Variants in RILPL1 observed in about 807,000 individuals in gnomAD.
RILPL1 encodes the protein RILP-like protein 1.
In RILPL1, 33 loss-of-function variants were observed where a neutral mutation model predicts 50.3. The observed-to-expected ratio is 0.66, with a 90% CI of 0.50 to 0.88. The LOEUF (loss-of-function observed/expected upper bound fraction) is 0.88, where lower values mean the gene tolerates loss of function less well. Among genes scored for constraint, RILPL1 ranks in the 40% least tolerant of loss-of-function variants. RILPL1 has a pLI of 0.00. For synonymous variants in RILPL1, 205 were observed against 228.6 expected (o/e 0.90, Z 0.93); for missense variants, 418 against 542.5 (o/e 0.77, Z 2.28).
rs577178027 is a variant in RILPL1, at chr12:123,493,030, G to T, written c.801+5514C>A. Among the ~76,000 whole-genome samples, 8 of 152,310 alleles carry T rather than the reference G, an allele frequency of 5.3e-5. No homozygotes were observed. In the South Asian group the frequency reaches 1.7e-3, roughly 32 times the overall value. Reference sequence around the variant, plus strand: ...TCCCCCAGCCCGACACCTGTAAAGGGTCTGTGCTGAGGAGGATTAGTAAAA... The same window carrying T: ...TCCCCCAGCCCGACACCTGTAAAGGTTCTGTGCTGAGGAGGATTAGTAAAA... On this transcript the variant is annotated intron_variant, in intron 4 of 6. Transcript: ENST00000376874.
In RILPL1 at chr12:123,515,113, G is replaced by A. The variant is rs138369189; in HGVS notation, c.460+8382C>T. Among the ~76,000 whole-genome samples, 429 of 151,492 alleles carry A rather than the reference G, an allele frequency of 2.8e-3. 4 individuals are homozygous for A. Among genetic ancestry groups the A allele is most frequent in the Non-Finnish European group, 4.5e-3 (306 of 67,776 alleles). On this transcript the variant is annotated intron_variant, in intron 2 of 6. Transcript: ENST00000376874. ...GCCCAGCTAATTTAAAAATTTTTTT[G>A]TAGAGACAGGGTCTCACTATGTTGT...
chr12:123,498,461 G>T lies in RILPL1; in HGVS notation c.801+83C>A, dbSNP rs1435738662. 3 of 1,276,620 alleles carry T rather than the reference G, an allele frequency of 2.3e-6. No individual in the cohort carries two copies. The highest frequency in any genetic ancestry group is 2.9e-5 in the African/African-American group (2 of 68,406). 79.1% of individuals were successfully genotyped at this position (1,276,620 alleles called of 1,614,324 possible). ...TGGCCATTTTCTGAAGTATAATGGGGAAAACAAGGCAACCCTGCCTGCCTT... is the reference window on the plus strand; with the variant it reads ...TGGCCATTTTCTGAAGTATAATGGGTAAAACAAGGCAACCCTGCCTGCCTT... On this transcript the variant is annotated intron_variant, in intron 4 of 6. Coordinates refer to ENST00000376874, the MANE Select transcript of RILPL1 (RefSeq NM_178314.5). The surrounding 1 kb of genome is among the most constrained non-coding windows in gnomAD (Gnocchi z 4.3).
At chr12:123,481,709 A>G (rs551727339) in intron 6 of RILPL1, among the ~76,000 whole-genome samples, 67 of 150,040 alleles carry the variant, frequency 4.5e-4, no homozygotes, top group African/African-American at 1.5e-3. Context: ...GGTGTGTGCC[A>G]CCACGCCCGG....
At chr12:123,521,657 A>ATG (rs1303185216) in intron 2 of RILPL1, among the ~76,000 whole-genome samples, 4 of 17,448 alleles carry the variant, frequency 2.3e-4, no homozygotes, top group Non-Finnish European at 5.1e-4. Context: ...ATATACACAT[A>ATG]TATGTATATA....
chr12:123,487,261 G>T (rs1025916149), intron 4 of RILPL1, among the ~76,000 whole-genome samples: 2 of 151,840 alleles, frequency 1.3e-5, no homozygotes, highest in Admixed American at 1.3e-4. Flanking sequence ...CACTTAGCAC[G>T]GTGTTTCCAA....
chr12:123,475,566 A>T, intron 6 of RILPL1: 3 of 765,498 alleles, frequency 3.9e-6, no homozygotes, highest in South Asian at 1.5e-5. Context: ...CATGCAGCTT[A>T]AGTGGCCAGG....
chr12:123,472,202 A>G lies in RILPL1; in HGVS notation c.*336T>C, dbSNP rs3087496. On this transcript the variant is annotated 3_prime_UTR_variant, in exon 7 of 7. Coordinates refer to ENST00000376874, the MANE Select transcript of RILPL1 (RefSeq NM_178314.5). ...ATACAAAGCAAGTCAAACAGCAATGATAGTGGCAAGTGATGTATTTGGCTT... is the reference window on the plus strand; with the variant it reads ...ATACAAAGCAAGTCAAACAGCAATGGTAGTGGCAAGTGATGTATTTGGCTT... The G allele has an allele frequency of 0.55, 144,657 of 262,336 alleles. 43,994 individuals are homozygous for G. Among genetic ancestry groups the G allele is most frequent in the East Asian group, 0.99 (12,574 of 12,700 alleles). 16.3% of individuals were successfully genotyped at this position (262,336 alleles called of 1,614,324 possible).
In RILPL1 at chr12:123,485,263, G is replaced by A. The variant is rs1242764067; in HGVS notation, c.974+370C>T. The A allele has an allele frequency of 2.2e-6, 1 of 463,514 alleles. No individual in the cohort carries two copies. The highest frequency in any genetic ancestry group is 4.3e-6 in the Non-Finnish European group (1 of 231,898). The allele number at this position is 463,514 out of a possible 1,614,324, so 28.7% of individuals were successfully genotyped here. On this transcript the variant is annotated intron_variant, in intron 5 of 6. Transcript: ENST00000376874. The surrounding 1 kb of genome is among the most constrained non-coding windows in gnomAD (Gnocchi z 4.0). The stretch of plus-strand genomic sequence containing the variant: ...GCATGAGAGTGAACAGGATAATGTA[G>A]GAGGTGAAAAGGGCCACATAGACCA...
At chr12:123,510,666 T>TGTGTGTGAGGTCTGTGTGTGTGTG (rs1884057414) in intron 2 of RILPL1, among the ~76,000 whole-genome samples, 1 of 99,510 alleles carries the variant, frequency 1.0e-5, no homozygotes, top group African/African-American at 3.6e-5. Flanking sequence ...CTGTGTATGG[T>TGTGTGTGAGGTCTGTGTGTGTGTG]GTGTGTGAGG....
chr12:123,482,795 G>T (rs935290747), intron 6 of RILPL1, among the ~76,000 whole-genome samples: 1 of 151,746 alleles, frequency 6.6e-6, no homozygotes, highest in Non-Finnish European at 1.5e-5. Flanking sequence ...TAGAGAGGTG[G>T]TTTCACCATG....
In RILPL1 at chr12:123,483,959, C is replaced by T. The variant is rs545555716; in HGVS notation, c.1067+221G>A. ...CCACTGGCCCAAGCCTCTCCCCTCT[C>T]GCCTCCCGCACTCCCCAAACCTCTC... On this transcript the variant is annotated intron_variant, in intron 6 of 6. Coordinates refer to ENST00000376874, the MANE Select transcript of RILPL1 (RefSeq NM_178314.5). Among the ~76,000 whole-genome samples, 28 of 152,312 alleles carry T rather than the reference C, an allele frequency of 1.8e-4. 1 individual carries two copies. Among genetic ancestry groups the T allele is most frequent in the African/African-American group, 6.7e-4 (28 of 41,584 alleles).
At chr12:123,473,252 C>G (rs1291037808) in intron 6 of RILPL1, 2 of 153,040 alleles carry the variant, frequency 1.3e-5, no homozygotes, top group African/African-American at 4.8e-5. Context: ...CGATGGGTCA[C>G]GCCTGTAACC....
At chr12:123,493,612 G>A (rs1882836480) in intron 4 of RILPL1, among the ~76,000 whole-genome samples, 1 of 152,002 alleles carries the variant, frequency 6.6e-6, no homozygotes, top group African/African-American at 2.4e-5. Context: ...ACCCTCCATA[G>A]CTCTCATGTC....
At chr12:123,499,569 C>T (rs201875202) in intron 2 of RILPL1, 33 bp from the exon 3 acceptor site, 30 of 1,475,438 alleles carry the variant, frequency 2.0e-5, no homozygotes, top group Non-Finnish European at 2.7e-5. Context: ...CAGGTGAGCC[C>T]GCCTTACTCC....
chr12:123,533,303 G>C lies in RILPL1; in HGVS notation c.180C>G (p.Val60=), dbSNP rs28492040. ...IARLMPKVVR[V]LEILEVLVSR... Reference sequence around the variant, plus strand: ...TGACCAGCACCTCCAGGATCTCCAGGACGCGCACGACCTTGGGCATGAGGC... The same window carrying C: ...TGACCAGCACCTCCAGGATCTCCAGCACGCGCACGACCTTGGGCATGAGGC... Residue 60 remains valine, a synonymous_variant, in exon 1 of 7, where the codon GTC becomes GTG. Transcript: ENST00000376874. The surrounding 1 kb of genome is among the most constrained non-coding windows in gnomAD (Gnocchi z 6.2). The C allele has an allele frequency of 0.18, 286,905 of 1,582,510 alleles. 27,100 individuals are homozygous for C. The highest frequency in any genetic ancestry group is 0.22 in the Middle Eastern group (1,331 of 6,036).
At position 123,472,367 on chromosome 12, in the gene RILPL1, T is replaced by A; in HGVS notation, c.*171A>T. The stretch of plus-strand genomic sequence containing the variant: ...TATAAATAAACATTTCTTTAGAGTT[T>A]GGCGTCAGTTTTTCAATGTCCATCC... On this transcript the variant is annotated 3_prime_UTR_variant, in exon 7 of 7. Coordinates refer to ENST00000376874, the MANE Select transcript of RILPL1 (RefSeq NM_178314.5). 1 of 635,098 alleles carries A rather than the reference T, an allele frequency of 1.6e-6. No individual in the cohort carries two copies. The highest frequency in any genetic ancestry group is 2.7e-6 in the Non-Finnish European group (1 of 370,864). The allele number at this position is 635,098 out of a possible 1,614,324, so 39.3% of individuals were successfully genotyped here.
At chr12:123,505,027 T>C (rs1375870653) in intron 2 of RILPL1, among the ~76,000 whole-genome samples, 1 of 139,846 alleles carries the variant, frequency 7.2e-6, no homozygotes, top group Non-Finnish European at 1.5e-5. Context: ...TGTTCACCCA[T>C]CAAGTTTTTT....
At chr12:123,474,332 A>AT (rs1391883778) in intron 6 of RILPL1, 1 of 152,162 alleles carries the variant, frequency 6.6e-6, no homozygotes, top group African/African-American at 2.4e-5. Flanking sequence ...CTCTATTAAG[A>AT]TTCCTTCTGT....
At chr12:123,513,538 C>G (rs1022393479) in intron 2 of RILPL1, 1 of 206,634 alleles carries the variant, frequency 4.8e-6, no homozygotes, top group Non-Finnish European at 1.1e-5. Context: ...ATCCCAGCTT[C>G]GGCCTCTTAG....
Sources: gnomAD v4.1 joint callset for allele counts (sites outside exome capture counted in the v4.1 genomes callset) on GRCh38, gnomAD v4.1.1 for gene constraint, Gnocchi (gnomAD v3.1) non-coding constraint, MANE v1.5 for transcripts, NCBI Gene and HGNC (gene_info 2026-07-23, HGNC 2026-07-21) for gene names.